The following CADPS2 variants were observed in gnomAD, a reference collection of about 807,000 sequenced individuals.
CADPS2 encodes calcium dependent secretion activator 2.
Under a neutral mutation model 172.5 loss-of-function variants are expected in CADPS2, and 93 were observed. The observed-to-expected ratio is 0.54, with a 90% confidence interval of 0.46 to 0.64. The LOEUF is 0.64. Ranked by LOEUF, CADPS2 falls within the 30% of genes least tolerant of loss-of-function variation. The pLI, the probability that CADPS2 is intolerant of heterozygous loss-of-function variation, is 0.00. For missense variants in CADPS2, 1,420 were observed against 1,565.9 expected, an observed-to-expected ratio of 0.91 and a Z score of 1.57; for synonymous variants, 546 against 555.2, an observed-to-expected ratio of 0.98 and a Z score of 0.23.
chr7:122,797,779 C>T (rs566435261), intron 1 of CADPS2, among the ~76,000 whole-genome samples: 3 of 151,882 alleles, frequency 2.0e-5, no homozygotes, highest in Non-Finnish European at 4.4e-5. Flanking sequence ...GAATAATACC[C>T]GGTTTGACAA....
chr7:122,774,283 C>A (rs1392545114), intron 1 of CADPS2, among the ~76,000 whole-genome samples: 1 of 149,754 alleles, frequency 6.7e-6, no homozygotes, highest in Non-Finnish European at 1.5e-5. Flanking sequence ...CACACACACA[C>A]ACACACACAC....
At chr7:122,549,910 C>T (rs1239761095) in intron 8 of CADPS2, among the ~76,000 whole-genome samples, 2 of 152,128 alleles carry the variant, frequency 1.3e-5, no homozygotes, top group Non-Finnish European at 2.9e-5. Flanking sequence ...AGCCTGGACT[C>T]TTTGAGCAAA....
At chr7:122,421,678 A>C (rs2048546895) in intron 17 of CADPS2, among the ~76,000 whole-genome samples, 1 of 152,198 alleles carries the variant, frequency 6.6e-6, no homozygotes. Context: ...ACCAGATTAT[A>C]AGGTAGAATA....
chr7:122,471,725 T>C (rs955426833), intron 13 of CADPS2, among the ~76,000 whole-genome samples, 163 bp from the exon 14 acceptor site: 3 of 152,202 alleles, frequency 2.0e-5, no homozygotes, highest in Non-Finnish European at 4.4e-5. Flanking sequence ...TCATCAATTT[T>C]GAAACTGATT....
chr7:122,399,474 C>T (rs1223963673), intron 20 of CADPS2, among the ~76,000 whole-genome samples: 4 of 151,992 alleles, frequency 2.6e-5, no homozygotes, highest in Non-Finnish European at 5.9e-5. Context: ...TATGGTCCAG[C>T]AGTCCTCATG....
chr7:122,818,121 TTCCC>T (rs1053390878), intron 1 of CADPS2, among the ~76,000 whole-genome samples: 1 of 142,102 alleles, frequency 7.0e-6, no homozygotes, highest in African/African-American at 2.7e-5. Context: ...CCCGAACCCC[TTCCC>T]TCCATTTCTC....
In CADPS2 at chr7:122,835,643, G is replaced by A. The variant is rs894329170; in HGVS notation, c.339+50356C>T. Among the ~76,000 whole-genome samples, 5 of 152,198 alleles carry A rather than the reference G, an allele frequency of 3.3e-5. No homozygotes were observed. In the East Asian group the frequency reaches 9.6e-4, roughly 29 times the overall value. The stretch of plus-strand genomic sequence containing the variant: ...TGAGAACTACGTGATGAATGTACAA[G>A]CTTCAGTAGCCGATTCAATCAACTG... On this transcript the variant is annotated intron_variant, in intron 1 of 29. Coordinates refer to ENST00000449022, the MANE Select transcript of CADPS2 (RefSeq NM_017954.11).
chr7:122,667,696 TG>T (rs1482441699), intron 2 of CADPS2, among the ~76,000 whole-genome samples: 59 of 152,006 alleles, frequency 3.9e-4, no homozygotes, highest in African/African-American at 1.4e-3. Context: ...TTAACTCTGC[TG>T]GGGGGCCAGA....
At chr7:122,830,669 T>A (rs1484858263) in intron 1 of CADPS2, among the ~76,000 whole-genome samples, 1 of 152,206 alleles carries the variant, frequency 6.6e-6, no homozygotes, top group Admixed American at 6.5e-5. Context: ...TAGGTTATTC[T>A]GAGAACAAAC....
intron 1 of CADPS2, 95 bp downstream of exon 1, chr7:122,885,894 ACGGTGTCCTG>A (rs1824228897): frequency 2.3e-6 from 3 of 1,331,090 alleles, no homozygotes; most frequent in Non-Finnish European, 3.2e-6. Flanking sequence ...TAACAAAAAT[ACGGTGTCCTG>A]CGTTTCGCAG....
chr7:122,781,012 C>A (rs1164447551), intron 1 of CADPS2, among the ~76,000 whole-genome samples: 3 of 152,116 alleles, frequency 2.0e-5, no homozygotes, highest in Non-Finnish European at 2.9e-5. Context: ...TACATTTTGA[C>A]AAAACACTTT....
intron 1 of CADPS2, among the ~76,000 whole-genome samples, chr7:122,877,900 C>T (rs948793651): frequency 2.0e-5 from 3 of 152,122 alleles, no homozygotes; most frequent in African/African-American, 4.8e-5. Context: ...CCCAGAAAGA[C>T]GAAGTGCCTT....
intron 1 of CADPS2, among the ~76,000 whole-genome samples, chr7:122,861,785 C>T (rs564050189): frequency 3.3e-5 from 5 of 152,274 alleles, no homozygotes; most frequent in Non-Finnish European, 5.9e-5. Flanking sequence ...TAATGTATCC[C>T]ATAAATATGT....
At chr7:122,671,996 A>C (rs1588299150) in intron 2 of CADPS2, among the ~76,000 whole-genome samples, 1 of 152,360 alleles carries the variant, frequency 6.6e-6, no homozygotes, top group East Asian at 1.9e-4. Context: ...AGGGGAGGAA[A>C]GGATATCACA....
chr7:122,740,898 C>T (rs181823724), intron 1 of CADPS2, among the ~76,000 whole-genome samples: 24 of 152,176 alleles, frequency 1.6e-4, no homozygotes, highest in Admixed American at 8.5e-4. Context: ...AACAAGCCTA[C>T]ATTCATAAAA....
In CADPS2 at chr7:122,693,726, T is replaced by C. The variant is rs543280900; in HGVS notation, c.454-30157A>G. Among the ~76,000 whole-genome samples, 4 of 152,144 alleles carry C rather than the reference T, an allele frequency of 2.6e-5. No individual in the cohort carries two copies. The South Asian group carries it at 8.3e-4, about 32-fold the overall frequency. The stretch of plus-strand genomic sequence containing the variant: ...AACCTAGCACTTTGGGAGGCTGAGG[T>C]GGGCAGACTGCCTGAGCTCAGGAGT... On this transcript the variant is annotated intron_variant, in intron 2 of 29. Transcript: ENST00000449022.
chr7:122,567,022 T>A (rs1445872754), intron 7 of CADPS2, among the ~76,000 whole-genome samples: 1 of 152,168 alleles, frequency 6.6e-6, no homozygotes, highest in Non-Finnish European at 1.5e-5. Flanking sequence ...TGCATCTTTG[T>A]GCCACAGTTG....
At position 122,736,940 on chromosome 7, in the gene CADPS2, G is replaced by A. The variant is rs780222872; in HGVS notation, c.453+15C>T. The A allele has an allele frequency of 7.4e-7, 1 of 1,353,680 alleles. No homozygotes were observed. The highest frequency in any genetic ancestry group is 1.0e-6 in the Non-Finnish European group (1 of 953,490). The allele number at this position is 1,353,680 out of a possible 1,614,324, so 83.9% of individuals were successfully genotyped here. On this transcript the variant is annotated intron_variant, in intron 2 of 29. Transcript: ENST00000449022. ...AATGCATCGGAAAGCCAAAAACAAAGCTCTTCAAACTTACCTCATAATAAC... is the reference window on the plus strand; with the variant it reads ...AATGCATCGGAAAGCCAAAAACAAAACTCTTCAAACTTACCTCATAATAAC...
At chr7:122,665,084 GCCA>G (rs1564004752) in intron 2 of CADPS2, among the ~76,000 whole-genome samples, 1 of 151,714 alleles carries the variant, frequency 6.6e-6, no homozygotes, top group Non-Finnish European at 1.5e-5. Flanking sequence ...ACAGGCATGA[GCCA>G]CCACACCTGG....
Sources: gnomAD v4.1 joint callset for allele counts (sites outside exome capture counted in the v4.1 genomes callset) on GRCh38, gnomAD v4.1.1 for gene constraint, MANE v1.5 for transcripts, NCBI Gene and HGNC (gene_info 2026-07-23, HGNC 2026-07-21) for gene names.